The following KSR2 variants were observed in gnomAD, a reference collection of about 807,000 sequenced individuals.
KSR2 encodes the protein kinase suppressor of ras 2.
A neutral mutation model predicts 107.8 loss-of-function variants in KSR2; 25 were observed. That is an observed-to-expected ratio of 0.23 (90% CI 0.17 to 0.32). The LOEUF (loss-of-function observed/expected upper bound fraction) is 0.32, where lower values mean the gene tolerates loss of function less well. Among genes scored for constraint, KSR2 ranks in the 10% least tolerant of loss-of-function variants. The pLI, the probability that KSR2 is intolerant of heterozygous loss-of-function variation, is 1.00. For synonymous variants in KSR2, 480 were observed against 507.0 expected (o/e 0.95, Z 0.71); for missense variants, 887 against 1,268.9 (o/e 0.70, Z 4.57).
intron 4 of KSR2, among the ~76,000 whole-genome samples, chr12:117,709,220 C>A (rs940655390): frequency 4.6e-5 from 7 of 152,324 alleles, no homozygotes; most frequent in Admixed American, 4.6e-4. Context: ...CCATATTTCT[C>A]TTCCACTGGT....
intron 3 of KSR2, among the ~76,000 whole-genome samples, chr12:117,778,494 G>A (rs900476176): frequency 2.0e-5 from 3 of 152,208 alleles, no homozygotes; most frequent in South Asian, 4.1e-4. Flanking sequence ...GAGACAACTC[G>A]CTATAGTCAA....
At position 117,968,403 on chromosome 12, in the gene KSR2, G is replaced by T. The variant is rs558640961; in HGVS notation, c.-148C>A. ...GAAGAAATCCAACATCTCACACAGG[G>T]TTGAGGGGGTGGGAGTGGGAGGAGG... On this transcript the variant is annotated 5_prime_UTR_variant, in exon 1 of 20. Transcript: ENST00000339824. The T allele has an allele frequency of 2.2e-6, 3 of 1,352,424 alleles. No individual in the cohort carries two copies. Among genetic ancestry groups the T allele is most frequent in the Admixed American group, 7.3e-5 (2 of 27,524 alleles). The allele number at this position is 1,352,424 out of a possible 1,614,324, so 83.8% of individuals were successfully genotyped here.
intron 9 of KSR2, among the ~76,000 whole-genome samples, chr12:117,540,367 G>A (rs1876394222): frequency 6.6e-6 from 1 of 152,118 alleles, no homozygotes. Flanking sequence ...CCCCAGACCA[G>A]CTCAAAAACA....
intron 3 of KSR2, among the ~76,000 whole-genome samples, chr12:117,795,407 C>T (rs925253228): frequency 1.3e-5 from 2 of 152,160 alleles, no homozygotes; most frequent in Admixed American, 6.5e-5. Flanking sequence ...ACACGGAGCT[C>T]AGCATGCCAA....
chr12:117,743,466 T>G (rs1888295480), intron 4 of KSR2, among the ~76,000 whole-genome samples: 1 of 152,212 alleles, frequency 6.6e-6, no homozygotes, highest in Admixed American at 6.5e-5. Context: ...CTTCTTTGAC[T>G]TGAGGTTTTC....
intron 4 of KSR2, among the ~76,000 whole-genome samples, chr12:117,746,029 G>A (rs190122723): frequency 3.5e-3 from 536 of 152,218 alleles, no homozygotes; most frequent in Middle Eastern, 0.024. Flanking sequence ...TAGATTCAAT[G>A]CTATTCCCAT....
chr12:117,662,517 CA>C (rs1435552055), intron 5 of KSR2, among the ~76,000 whole-genome samples: 1 of 152,206 alleles, frequency 6.6e-6, no homozygotes, highest in Non-Finnish European at 1.5e-5. Flanking sequence ...AAAAGAGGGG[CA>C]ACTCTCTCTT....
Position 117,860,288 on chromosome 12 carries a change from C to T in KSR2, c.321+3G>A, listed in dbSNP as rs889938414. 1 of 1,606,970 alleles carries T rather than the reference C, an allele frequency of 6.2e-7. No homozygotes were observed. Among genetic ancestry groups the T allele is most frequent in the African/African-American group, 1.3e-5 (1 of 74,840 alleles). ...CAGGGGACACAGGGGCCCCCCAGGT[C>T]ACCTCCAGGACCTCCTTGCGCACAT... On this transcript the variant is annotated splice_donor_region_variant and intron_variant, in intron 2 of 19. Transcript: ENST00000339824.
rs816284 is a variant in KSR2 at position 117,453,142 on chromosome 12, T to C, written c.*14057A>G. On this transcript the variant is annotated 3_prime_UTR_variant, in exon 20 of 20. Transcript: ENST00000339824. ...TAAACACAAGAAACAACAGGCTTGC[T>C]GGCTCAGAGGCACACAAACTGTCCA... 0.93 allele frequency: 142,747 copies of C among 152,686 alleles called. 66,834 individuals carry two copies. The highest frequency in any genetic ancestry group is 0.98 in the African/African-American group (40,857 of 41,576). 9.5% of individuals were successfully genotyped at this position (152,686 alleles called of 1,614,324 possible). A position where few individuals can be genotyped will look rare whatever the true frequency, so the allele number is the denominator to read the frequency against.
chr12:117,679,246 C>T (rs568089689), intron 4 of KSR2, among the ~76,000 whole-genome samples: 1 of 152,326 alleles, frequency 6.6e-6, no homozygotes, highest in Non-Finnish European at 1.5e-5. Context: ...TGCATCAGCA[C>T]CATGCACGGA....
chr12:117,633,638 T>C (rs1882912532), intron 5 of KSR2, among the ~76,000 whole-genome samples: 1 of 152,174 alleles, frequency 6.6e-6, no homozygotes, highest in Non-Finnish European at 1.5e-5. Context: ...AACTCCAATC[T>C]CTGCCTCTGT....
At chr12:117,835,677 A>G (rs140012598) in intron 3 of KSR2, among the ~76,000 whole-genome samples, 1 of 152,214 alleles carries the variant, frequency 6.6e-6, no homozygotes, top group East Asian at 1.9e-4. Flanking sequence ...GATGGTCACT[A>G]CCAGGGGCTA....
intron 1 of KSR2, among the ~76,000 whole-genome samples, chr12:117,878,761 G>A: frequency 6.6e-6 from 1 of 152,194 alleles, no homozygotes; most frequent in East Asian, 1.9e-4. Context: ...CTGAAAGCAG[G>A]TCTCACTGCA....
intron 3 of KSR2, among the ~76,000 whole-genome samples, chr12:117,778,333 T>C (rs753099326): frequency 1.4e-4 from 22 of 152,118 alleles, no homozygotes; most frequent in Admixed American, 3.3e-4. Context: ...TCAGGTGATC[T>C]GCCCGCCTCG....
chr12:117,940,108 G>C (rs959300661), intron 1 of KSR2, among the ~76,000 whole-genome samples: 1 of 152,028 alleles, frequency 6.6e-6, no homozygotes, highest in Non-Finnish European at 1.5e-5. Context: ...ACAAAGGCTC[G>C]GTCATATTCC....
chr12:117,492,966 C>G (rs1872827060), intron 14 of KSR2, among the ~76,000 whole-genome samples: 1 of 152,136 alleles, frequency 6.6e-6, no homozygotes, highest in Admixed American at 6.5e-5. Context: ...CTGCCAACAT[C>G]CTGATTTTAG....
chr12:117,566,074 A>G (rs1878471208), intron 7 of KSR2, among the ~76,000 whole-genome samples: 1 of 147,154 alleles, frequency 6.8e-6, no homozygotes, highest in Non-Finnish European at 1.5e-5. Context: ...CCAGGTACTA[A>G]GCCTAGTACC....
chr12:117,681,248 T>G (rs535660967), intron 4 of KSR2, among the ~76,000 whole-genome samples: 8 of 152,302 alleles, frequency 5.3e-5, no homozygotes, highest in African/African-American at 1.7e-4. Context: ...CCAGCCTAGG[T>G]GGCAAGGCCA....
chr12:117,834,113 C>T (rs2137125473), intron 3 of KSR2, among the ~76,000 whole-genome samples: 1 of 151,530 alleles, frequency 6.6e-6, no homozygotes. Flanking sequence ...TGCACTCAAG[C>T]CTGGGCAAGA....
Sources: gnomAD v4.1 joint callset for allele counts (sites outside exome capture counted in the v4.1 genomes callset) on GRCh38, gnomAD v4.1.1 for gene constraint, MANE v1.5 for transcripts, NCBI Gene and HGNC (gene_info 2026-07-23, HGNC 2026-07-21) for gene names.